The following ZFYVE21 variants were observed in gnomAD, a reference collection of about 807,000 sequenced individuals.
ZFYVE21 encodes the protein zinc finger FYVE domain-containing protein 21.
In ZFYVE21, 21 loss-of-function variants were observed where a neutral mutation model predicts 29.5. The observed-to-expected ratio is 0.71, with a 90% CI of 0.50 to 1.02. The LOEUF is 1.02. ZFYVE21 is among the 50% of genes least tolerant of loss of function. The pLI is 0.00. For synonymous variants in ZFYVE21, 151 were observed against 133.8 expected (o/e 1.13, Z -0.89); for missense variants, 326 against 335.4 (o/e 0.97, Z 0.22).
chr14:103,729,262 G>A lies in ZFYVE21; in HGVS notation c.526+80G>A, dbSNP rs537682615. The A allele has an allele frequency of 6.1e-6, 9 of 1,485,262 alleles. No individual in the cohort carries two copies. In the African/African-American group the frequency reaches 1.2e-4, roughly 20 times the overall value. 92.0% of individuals were successfully genotyped at this position (1,485,262 alleles called of 1,614,324 possible). A position where few individuals can be genotyped will look rare whatever the true frequency, so the allele number is the denominator to read the frequency against. On this transcript the variant is annotated intron_variant, in intron 5 of 6. Transcript: ENST00000311141. ...TGACAAGAGGAGCATGCACTTTTGG[G>A]ATCAGGCAGCTGCCCTGAGGAGTGG...
At chr14:103,717,222 C>T (rs774685216) in intron 1 of ZFYVE21, among the ~76,000 whole-genome samples, 1 of 152,194 alleles carries the variant, frequency 6.6e-6, no homozygotes, top group African/African-American at 2.4e-5. Flanking sequence ...CCCACCTCTC[C>T]CCAGTATCGC....
At chr14:103,727,716 C>G in intron 2 of ZFYVE21, 30 bp from the exon 3 acceptor site, 1 of 1,597,146 alleles carries the variant, frequency 6.3e-7, no homozygotes, top group Non-Finnish European at 8.5e-7. Context: ...CCTGCCCCTC[C>G]TCACTGCCAA....
At chr14:103,722,835 A>G (rs1231646438) in intron 1 of ZFYVE21, among the ~76,000 whole-genome samples, 4 of 151,684 alleles carry the variant, frequency 2.6e-5, no homozygotes, top group Admixed American at 6.6e-5. Flanking sequence ...ATGTTCGTAG[A>G]GACAGGGTCT....
chr14:103,719,575 A>AG (rs1374293321), intron 1 of ZFYVE21, among the ~76,000 whole-genome samples: 4 of 151,356 alleles, frequency 2.6e-5, no homozygotes, highest in Non-Finnish European at 5.9e-5. Context: ...CAGGTAAGCA[A>AG]GGGGGGCATC....
chr14:103,732,919 G>C, intron 6 of ZFYVE21, 64 bp from the exon 7 acceptor site: 1 of 1,613,110 alleles, frequency 6.2e-7, no homozygotes. Flanking sequence ...AATGCACACA[G>C]GCTTGGCTCC....
rs1281664165 is a variant in ZFYVE21 at position 103,716,219 on chromosome 14, G to GAGGC, written c.138+242_138+245dup. ...CGGTGCGGGGGTCCCGGGAGGGCAG[G>GAGGC]AGGCACCTGTCCAGGGCGGGCGCCG... On this transcript the variant is annotated intron_variant, in intron 1 of 6. Coordinates refer to ENST00000311141, the MANE Select transcript of ZFYVE21 (RefSeq NM_024071.4). This position sits in a 1 kb window ranked among gnomAD's most constrained non-coding sequence, Gnocchi z 4.8. 6.6e-6 allele frequency among the ~76,000 whole-genome samples: 1 copy of GAGGC among 151,948 alleles called. No homozygotes were observed. The highest frequency in any genetic ancestry group is 1.5e-5 in the Non-Finnish European group (1 of 67,932).
At chr14:103,732,399 G>A in intron 5 of ZFYVE21, 1 of 439,926 alleles carries the variant, frequency 2.3e-6, no homozygotes, top group Non-Finnish European at 3.8e-6. Context: ...ACCCGGCTGA[G>A]TGTCTTGGTC....
chr14:103,729,065 G>A (rs756855844), intron 4 of ZFYVE21, 26 bp from the exon 5 acceptor site: 15 of 1,613,788 alleles, frequency 9.3e-6, no homozygotes, highest in Admixed American at 6.7e-5. Context: ...AGAATGACCC[G>A]ATTTGGACAC....
intron 1 of ZFYVE21, among the ~76,000 whole-genome samples, chr14:103,719,678 G>A (rs1595687866): frequency 6.6e-6 from 1 of 152,098 alleles, no homozygotes; most frequent in East Asian, 1.9e-4. Flanking sequence ...ATTGTTTCCA[G>A]GATCTCAGCG....
intron 2 of ZFYVE21, chr14:103,727,367 G>GCCCCCCC: frequency 7.5e-6 from 1 of 133,778 alleles, no homozygotes; most frequent in Non-Finnish European, 1.5e-5. Context: ...CCTGCCCCCC[G>GCCCCCCC]CCCCCTCTGC....
chr14:103,720,668 G>A (rs2083864842), intron 1 of ZFYVE21, among the ~76,000 whole-genome samples: 1 of 152,126 alleles, frequency 6.6e-6, no homozygotes, highest in African/African-American at 2.4e-5. Context: ...CACTCTTTGG[G>A]GTGGGCCGGG....
Position 103,733,481 on chromosome 14 carries a change from A to AGACTT in ZFYVE21, c.*465_*469dup, listed in dbSNP as rs2084007954. The AGACTT allele has an allele frequency of 1.3e-5, 2 of 156,986 alleles. No homozygotes were observed. The highest frequency in any genetic ancestry group is 1.4e-5 in the Non-Finnish European group (1 of 70,858). The allele number at this position is 156,986 out of a possible 1,614,324, so 9.7% of individuals were successfully genotyped here. A position where few individuals can be genotyped will look rare whatever the true frequency, so the allele number is the denominator to read the frequency against. On this transcript the variant is annotated 3_prime_UTR_variant, in exon 7 of 7. Coordinates refer to ENST00000311141, the MANE Select transcript of ZFYVE21 (RefSeq NM_024071.4). The stretch of plus-strand genomic sequence containing the variant: ...CAGCACTTGCCTTAGCCTGTTTCAC[A>AGACTT]GACTTGTCCACTTACCTTGTCACTA...
chr14:103,729,648 C>T lies in ZFYVE21; in HGVS notation c.526+466C>T, dbSNP rs535958955. 18 of 1,061,396 alleles carry T rather than the reference C, an allele frequency of 1.7e-5. No individual in the cohort carries two copies. The Middle Eastern group carries it at 3.2e-3, about 191-fold the overall frequency. 65.7% of individuals were successfully genotyped at this position (1,061,396 alleles called of 1,614,324 possible). On this transcript the variant is annotated intron_variant, in intron 5 of 6. Transcript: ENST00000311141. ...GCCCATCCTGGGCCTCTCCACTAAACTCTGCTGACGGGGAGCTCGCATCCC... is the reference window on the plus strand; with the variant it reads ...GCCCATCCTGGGCCTCTCCACTAAATTCTGCTGACGGGGAGCTCGCATCCC...
intron 5 of ZFYVE21, chr14:103,730,929 T>C (rs10150588): frequency 0.22 from 34,082 of 152,278 alleles, 7,196 homozygotes; most frequent in African/African-American, 0.55. Context: ...CTCTAGAGCC[T>C]AGGCAGGACG....
intron 1 of ZFYVE21, chr14:103,725,936 G>C (rs1440210954): frequency 6.6e-6 from 1 of 152,376 alleles, no homozygotes; most frequent in Non-Finnish European, 1.5e-5. Flanking sequence ...CAGGTCTTGT[G>C]CTGTCAGAAT....
At chr14:103,719,426 G>T (rs1037711694) in intron 1 of ZFYVE21, among the ~76,000 whole-genome samples, 10 of 150,726 alleles carry the variant, frequency 6.6e-5, no homozygotes, top group Admixed American at 4.6e-4. Context: ...CTGCACTTCA[G>T]CCTGGGTGAC....
At chr14:103,724,858 C>A (rs753993933) in intron 1 of ZFYVE21, 10 of 152,354 alleles carry the variant, frequency 6.6e-5, no homozygotes, top group African/African-American at 2.4e-4. Flanking sequence ...ACCAAGGACC[C>A]CAGAGCACGA....
intron 1 of ZFYVE21, among the ~76,000 whole-genome samples, chr14:103,720,724 T>C (rs1456352141): frequency 6.6e-6 from 1 of 152,302 alleles, no homozygotes; most frequent in African/African-American, 2.4e-5. Flanking sequence ...GGGCCGTTCC[T>C]GTTGCATTGG....
chr14:103,727,590 C>A, intron 2 of ZFYVE21, 156 bp from the exon 3 acceptor site: 1 of 930,026 alleles, frequency 1.1e-6, no homozygotes, highest in Non-Finnish European at 1.7e-6. Context: ...TGGTGGGGAG[C>A]CCAGGGGCTG....
Sources: allele counts gnomAD v4.1 joint callset (sites outside exome capture counted in the v4.1 genomes callset), GRCh38; gene constraint gnomAD v4.1.1; non-coding constraint Gnocchi (gnomAD v3.1); transcripts MANE v1.5; gene names NCBI Gene and HGNC (gene_info 2026-07-23, HGNC 2026-07-21).